AVEN: variants seen among roughly 807,000 people sequenced by gnomAD.
AVEN encodes the protein cell death regulator Aven.
A neutral mutation model predicts 38.1 loss-of-function variants in AVEN; 41 were observed. That is an observed-to-expected ratio of 1.08 (90% CI 0.84 to 1.40). The LOEUF is 1.40. Among genes scored for constraint, AVEN ranks in the 40% most tolerant of loss-of-function variants. The probability of loss-of-function intolerance (pLI) is 0.00; values close to 1 mark genes in which losing one functional copy is unlikely to be tolerated. For missense variants in AVEN, 605 were observed against 438.8 expected (o/e 1.38, Z -3.38); for synonymous variants, 206 against 171.8 (o/e 1.20, Z -1.56).
At chr15:33,873,257 G>A (rs958386289) in intron 3 of AVEN, among the ~76,000 whole-genome samples, 3 of 150,544 alleles carry the variant, frequency 2.0e-5, no homozygotes, top group South Asian at 2.1e-4. Context: ...GCCCCACCAC[G>A]CCCAGCTAAT....
At chr15:34,040,416 C>T (rs565016518), upstream of AVEN, among the ~76,000 whole-genome samples, 1 of 152,226 alleles carries the variant, frequency 6.6e-6, no homozygotes, top group African/African-American at 2.4e-5. Flanking sequence ...GGAGTAGGGG[C>T]GCCTTCCAGA....
rs33928063 is a variant in AVEN, at chr15:33,918,458, C to CTTTTTTT, written c.446-42470_446-42464dup. 1.2e-4 allele frequency among the ~76,000 whole-genome samples: 10 copies of CTTTTTTT among 84,502 alleles called. 1 individual carries two copies. Among genetic ancestry groups the CTTTTTTT allele is most frequent in the African/African-American group, 4.0e-4 (8 of 20,244 alleles). 55.4% of individuals were successfully genotyped at this position (84,502 alleles called of 152,430 possible). Reference sequence around the variant, plus strand: ...GTGTCTTCCCAGTCTTAAATTACAGCTTTTTTTTTTTTTTTTTTTTTTTTT... The same window carrying CTTTTTTT: ...GTGTCTTCCCAGTCTTAAATTACAGCTTTTTTTTTTTTTTTTTTTTTTTTTTTTTTTT... On this transcript the variant is annotated intron_variant, in intron 2 of 5. Transcript: ENST00000306730.
intron 4 of AVEN, among the ~76,000 whole-genome samples, chr15:33,868,591 A>T (rs889451290): frequency 6.6e-6 from 1 of 151,832 alleles, no homozygotes; most frequent in African/African-American, 2.4e-5. Flanking sequence ...TAATTAGCAA[A>T]TCAGATCTGT....
At chr15:34,070,533 A>C (rs683417) in intron 2 of AVEN, among the ~76,000 whole-genome samples, 150,555 of 152,150 alleles carry the variant, frequency 0.99, 74,512 homozygotes, top group Middle Eastern at 1. Context: ...ATGACTACTT[A>C]CCAAACAGCC....
rs1440529659 is a variant in AVEN at position 34,039,002 on chromosome 15, T to C, written c.45A>G (p.Pro15=). The C allele has an allele frequency of 9.0e-7, 1 of 1,116,642 alleles. No individual in the cohort carries two copies. Among genetic ancestry groups the C allele is most frequent in the Non-Finnish European group, 1.1e-6 (1 of 916,322 alleles). The allele number at this position is 1,116,642 out of a possible 1,614,324, so 69.2% of individuals were successfully genotyped here. ...GATCTCCGCCAGGCCGGCCGCGGCC[T>C]GGCCGCCGCCCACGGCCTCCCCGAG... is the stretch of plus-strand genomic sequence containing the variant. The part of the protein sequence containing the change: ...RGARGGRGRR[P]GRGRPGGDRH... The change falls in exon 1 of 6, where the codon CCA becomes CCG. Residue 15 remains proline (P), a synonymous_variant. Transcript: ENST00000306730.
chr15:33,902,589 G>C (rs1597212916), intron 2 of AVEN, among the ~76,000 whole-genome samples: 1 of 152,120 alleles, frequency 6.6e-6, no homozygotes, highest in African/African-American at 2.4e-5. Context: ...AATCAAACAA[G>C]AAAGAAAAGG....
intron 1 of AVEN, among the ~76,000 whole-genome samples, chr15:34,026,485 A>G (rs577564885): frequency 6.6e-5 from 10 of 152,324 alleles, no homozygotes; most frequent in African/African-American, 1.9e-4. Flanking sequence ...ATGAGTTTGG[A>G]ATTGAAGAAA....
chr15:33,962,569 C>G (rs1229527075), intron 2 of AVEN, among the ~76,000 whole-genome samples: 1 of 152,122 alleles, frequency 6.6e-6, no homozygotes, highest in African/African-American at 2.4e-5. Context: ...CATATTTTCC[C>G]TGGATCATCA....
At chr15:34,043,014 G>A (rs1167397150), upstream of AVEN, among the ~76,000 whole-genome samples, 2 of 152,044 alleles carry the variant, frequency 1.3e-5, no homozygotes, top group Admixed American at 6.5e-5. Flanking sequence ...TTGGGAGGCC[G>A]AGGTGGGTGG....
intron 1 of AVEN, among the ~76,000 whole-genome samples, chr15:34,073,128 C>T (rs978153443): frequency 2.0e-5 from 3 of 151,790 alleles, no homozygotes; most frequent in African/African-American, 7.3e-5. Context: ...GCAAGCTCCA[C>T]CTCCCGGGTT....
intron 2 of AVEN, among the ~76,000 whole-genome samples, chr15:33,981,736 T>G (rs1896153522): frequency 6.6e-6 from 1 of 152,220 alleles, no homozygotes; most frequent in Admixed American, 6.5e-5. Flanking sequence ...ATTTATCTCA[T>G]CTATAAAATT....
At chr15:33,899,739 G>C (rs1892412086) in intron 2 of AVEN, among the ~76,000 whole-genome samples, 1 of 151,904 alleles carries the variant, frequency 6.6e-6, no homozygotes, top group African/African-American at 2.4e-5. Flanking sequence ...GTGCTGAGAT[G>C]ACAGGCATGA....
At chr15:34,016,235 AAAAAACAAAAAC>A (rs951470489) in intron 1 of AVEN, among the ~76,000 whole-genome samples, 1 of 152,216 alleles carries the variant, frequency 6.6e-6, no homozygotes, top group African/African-American at 2.4e-5. Flanking sequence ...ACTCCATCTC[AAAAAACAAAAAC>A]AAAAACAAAA....
chr15:33,986,813 T>C (rs1177019108), intron 2 of AVEN, among the ~76,000 whole-genome samples: 4 of 151,992 alleles, frequency 2.6e-5, no homozygotes, highest in South Asian at 2.1e-4. Flanking sequence ...CGTGCCACCA[T>C]GCCCAGCTAA....
At chr15:33,862,086 G>A (rs921836632), downstream of AVEN, among the ~76,000 whole-genome samples, 1 of 152,030 alleles carries the variant, frequency 6.6e-6, no homozygotes, top group Non-Finnish European at 1.5e-5. Flanking sequence ...TGTATAGAGT[G>A]TATAGATTTT....
rs558332954 is a variant in AVEN at position 33,873,365 on chromosome 15, G to A, written c.517-2335C>T. Reference sequence around the variant, plus strand: ...TCTGCCCACCTCGGCCTCCCAAAGTGCTGGGATTATAGGCGTGAGCCACTG... The same window carrying A: ...TCTGCCCACCTCGGCCTCCCAAAGTACTGGGATTATAGGCGTGAGCCACTG... On this transcript the variant is annotated intron_variant, in intron 3 of 5. Coordinates refer to ENST00000306730, the MANE Select transcript of AVEN (RefSeq NM_020371.3). Among the ~76,000 whole-genome samples, 21 of 150,488 alleles carry A rather than the reference G, an allele frequency of 1.4e-4. No individual in the cohort carries two copies. In the East Asian group the frequency reaches 4.1e-3, roughly 30 times the overall value.
chr15:33,879,876 T>C (rs1891411984), intron 2 of AVEN, among the ~76,000 whole-genome samples: 1 of 152,158 alleles, frequency 6.6e-6, no homozygotes, highest in African/African-American at 2.4e-5. Context: ...AGAACAGTAA[T>C]GTCTATAAAG....
At chr15:33,917,648 C>CATT (rs1893203773) in intron 2 of AVEN, among the ~76,000 whole-genome samples, 2 of 151,940 alleles carry the variant, frequency 1.3e-5, no homozygotes, top group African/African-American at 4.8e-5. Context: ...TGGAATACTA[C>CATT]TCAGCCATAA....
intron 2 of AVEN, among the ~76,000 whole-genome samples, chr15:33,890,821 G>A (rs559599987): frequency 4.0e-4 from 61 of 152,256 alleles, no homozygotes; most frequent in African/African-American, 1.4e-3. Flanking sequence ...CCATTACAAA[G>A]GTAAAACTGG....
Sources: allele counts gnomAD v4.1 joint callset (sites outside exome capture counted in the v4.1 genomes callset), GRCh38; gene constraint gnomAD v4.1.1; transcripts MANE v1.5; gene names NCBI Gene and HGNC (gene_info 2026-07-23, HGNC 2026-07-21).